LIMS1: variants seen among roughly 807,000 people sequenced by gnomAD.
LIMS1 encodes the protein LIM zinc finger domain containing 1, also known as LIM and senescent cell antigen-like-containing domain protein 1.
Under a neutral mutation model 44.1 loss-of-function variants are expected in LIMS1, and 18 were observed. The ratio of observed to expected loss-of-function variants is 0.41; its 90% CI spans 0.28 to 0.61. The LOEUF is 0.61. Ranked by LOEUF, LIMS1 falls within the 20% of genes least tolerant of loss-of-function variation. LIMS1 has a pLI of 0.32. For missense variants in LIMS1, 201 were observed against 422.0 expected, an observed-to-expected ratio of 0.48 and a Z score of 4.59; for synonymous variants, 93 against 149.1, an observed-to-expected ratio of 0.62 and a Z score of 2.74.
intron 1 of LIMS1, among the ~76,000 whole-genome samples, chr2:108,547,919 A>G (rs1430461387): frequency 6.6e-6 from 1 of 152,240 alleles, no homozygotes; most frequent in Non-Finnish European, 1.5e-5. Flanking sequence ...GGAGTAATTC[A>G]TCCGTCAAAT....
At chr2:108,617,069 A>G (rs1273856310) in intron 1 of LIMS1, among the ~76,000 whole-genome samples, 1 of 152,206 alleles carries the variant, frequency 6.6e-6, no homozygotes, top group Non-Finnish European at 1.5e-5. Flanking sequence ...CTGGAAATGT[A>G]CAGCTGCTCA....
chr2:108,680,624 A>G, intron 8 of LIMS1, 71 bp from the exon 9 acceptor site: 1 of 1,608,850 alleles, frequency 6.2e-7, no homozygotes, highest in Non-Finnish European at 8.5e-7. Context: ...TTTGGAGTTG[A>G]AATTCTAAGC....
intron 1 of LIMS1, among the ~76,000 whole-genome samples, chr2:108,579,388 CT>C (rs1185038991): frequency 6.6e-6 from 1 of 152,112 alleles, no homozygotes; most frequent in African/African-American, 2.4e-5. Context: ...AGCATATGAA[CT>C]TATTACTAGT....
chr2:108,662,268 T>C, intron 2 of LIMS1: 1 of 1,612,090 alleles, frequency 6.2e-7, no homozygotes, highest in Non-Finnish European at 8.5e-7. Context: ...TTAAGCAGCA[T>C]GACCGCTTCC....
intron 1 of LIMS1, among the ~76,000 whole-genome samples, chr2:108,651,379 G>A (rs2433801): frequency 3.7e-4 from 56 of 152,356 alleles, no homozygotes; most frequent in African/African-American, 1.3e-3. Flanking sequence ...CGTTCAGAAC[G>A]TCAGCTTCTC....
chr2:108,563,880 G>A (rs1322612819), intron 1 of LIMS1, among the ~76,000 whole-genome samples: 2 of 151,828 alleles, frequency 1.3e-5, no homozygotes, highest in African/African-American at 2.4e-5. Flanking sequence ...GCAATACAGC[G>A]AGATCCTGTC....
intron 1 of LIMS1, among the ~76,000 whole-genome samples, chr2:108,631,819 G>A (rs1688943882): frequency 6.6e-6 from 1 of 152,130 alleles, no homozygotes; most frequent in Non-Finnish European, 1.5e-5. Flanking sequence ...CTGTTTTGTG[G>A]CTGACCAAGA....
intron 2 of LIMS1, among the ~76,000 whole-genome samples, chr2:108,666,237 T>C (rs2433817): frequency 4.4e-4 from 67 of 152,184 alleles, no homozygotes; most frequent in East Asian, 5.8e-4. Context: ...ATCCCACAGC[T>C]TCCTCTTCTG....
At chr2:108,681,267 A>G in intron 9 of LIMS1, 5 of 985,460 alleles carry the variant, frequency 5.1e-6, no homozygotes, top group Non-Finnish European at 6.0e-6. Flanking sequence ...AAATACAAGT[A>G]TTTGTCCTAT....
intron 2 of LIMS1, chr2:108,662,418 A>G (rs772517210): frequency 1.9e-5 from 29 of 1,502,554 alleles, no homozygotes; most frequent in Admixed American, 4.0e-5. Flanking sequence ...ACACTGGACT[A>G]TAAATACCCT....
rs774017232 is a variant in LIMS1, at chr2:108,551,606, ATGTATATATATGTATATATG to A, written c.32+17051_32+17070del. 8.8e-3 allele frequency among the ~76,000 whole-genome samples: 1,220 copies of A among 138,976 alleles called. 22 individuals are homozygous for A. The highest frequency in any genetic ancestry group is 0.032 in the African/African-American group (1,119 of 34,566). 91.2% of individuals were successfully genotyped at this position (138,976 alleles called of 152,430 possible). A position where few individuals can be genotyped will look rare whatever the true frequency, so the allele number is the denominator to read the frequency against. ...TCCAAGGCATGGTTCCTATATATAT[ATGTATATATATGTATATATG>A]TGTATATATATGTATATATGTGTAT... On this transcript the variant is annotated intron_variant, in intron 1 of 9. Transcript: ENST00000544547.
intron 2 of LIMS1, among the ~76,000 whole-genome samples, chr2:108,667,538 T>TAAAAAAA (rs546617468): frequency 1.1e-3 from 144 of 128,540 alleles, no homozygotes; most frequent in Non-Finnish European, 1.6e-3. Flanking sequence ...CAACCTTTTT[T>TAAAAAAA]AAAAAAAAAA....
At chr2:108,598,172 G>A (rs893876426) in intron 1 of LIMS1, among the ~76,000 whole-genome samples, 1 of 151,558 alleles carries the variant, frequency 6.6e-6, no homozygotes, top group African/African-American at 2.4e-5. Flanking sequence ...ACTGCAGCGT[G>A]GGCTATTTCA....
chr2:108,595,124 G>A (rs1369665856), intron 1 of LIMS1, among the ~76,000 whole-genome samples: 2 of 152,122 alleles, frequency 1.3e-5, no homozygotes, highest in Non-Finnish European at 2.9e-5. Flanking sequence ...AGGTCATACC[G>A]ACCTTTATCA....
chr2:108,579,297 A>C (rs180712702), intron 1 of LIMS1, among the ~76,000 whole-genome samples: 1 of 152,208 alleles, frequency 6.6e-6, no homozygotes, highest in Non-Finnish European at 1.5e-5. Flanking sequence ...AAGATGTCAC[A>C]GCTCTTATAG....
chr2:108,683,895 G>T, exon 10 of LIMS1: 1 of 1,561,448 alleles, frequency 6.4e-7, no homozygotes, highest in Non-Finnish European at 8.7e-7. Flanking sequence ...GAATAAGTTT[G>T]TGGAGTTTGA....
Position 108,539,422 on chromosome 2 carries a change from ATG to A in LIMS1, c.32+4831_32+4832del, listed in dbSNP as rs534013076. On this transcript the variant is annotated intron_variant, in intron 1 of 9. Transcript: ENST00000544547. The stretch of plus-strand genomic sequence containing the variant: ...ATAGCTTTCTGAGTGTAGAGTTAGT[ATG>A]TGCATGAGTGTTTGGGTCCATGTTC... 2.7e-3 allele frequency among the ~76,000 whole-genome samples: 407 copies of A among 152,282 alleles called. 1 individual carries two copies. The highest frequency in any genetic ancestry group is 4.7e-3 in the Non-Finnish European group (320 of 68,028).
At chr2:108,652,244 A>G (rs1165029965) in intron 1 of LIMS1, among the ~76,000 whole-genome samples, 2 of 152,256 alleles carry the variant, frequency 1.3e-5, no homozygotes, top group African/African-American at 4.8e-5. Flanking sequence ...TTCAATACAG[A>G]AATTTCTATA....
At chr2:108,570,717 G>A (rs1685453796) in intron 1 of LIMS1, among the ~76,000 whole-genome samples, 1 of 152,190 alleles carries the variant, frequency 6.6e-6, no homozygotes, top group Non-Finnish European at 1.5e-5. Context: ...AGAAGAGCGG[G>A]AGGAGTTAGC....
Sources: gnomAD v4.1 joint callset for allele counts (sites outside exome capture counted in the v4.1 genomes callset) on GRCh38, gnomAD v4.1.1 for gene constraint, MANE v1.5 for transcripts, NCBI Gene and HGNC (gene_info 2026-07-23, HGNC 2026-07-21) for gene names.